OBI1: variants seen among roughly 807,000 people sequenced by gnomAD.
The protein encoded by OBI1 is ring finger protein 219.
Under a neutral mutation model 62.4 loss-of-function variants are expected in OBI1, and 59 were observed. The ratio of observed to expected loss-of-function variants is 0.95; its 90% CI spans 0.77 to 1.17. OBI1 has a LOEUF of 1.17. OBI1 is among the 50% of genes most tolerant of loss of function. The pLI is 0.00. For synonymous variants in OBI1, 302 were observed against 292.8 expected, an observed-to-expected ratio of 1.03 and a Z score of -0.32; for missense variants, 875 against 830.9, an observed-to-expected ratio of 1.05 and a Z score of -0.65.
chr13:78,635,055 C>T, intron 5 of OBI1, 55 bp downstream of exon 5: 1 of 1,031,038 alleles, frequency 9.7e-7, no homozygotes, highest in Non-Finnish European at 1.5e-6. Flanking sequence ...TCACAGCAGC[C>T]TAGTCTAAAA....
chr13:78,654,410 C>G (rs1876637510), intron 1 of OBI1, among the ~76,000 whole-genome samples: 1 of 151,990 alleles, frequency 6.6e-6, no homozygotes, highest in Admixed American at 6.5e-5. Flanking sequence ...CAATTATGTA[C>G]AAGGCTGGTT....
At chr13:78,617,371 CA>C (rs1875346383) in intron 5 of OBI1, 2 of 351,382 alleles carry the variant, frequency 5.7e-6, no homozygotes, top group Admixed American at 8.5e-5. Context: ...TCTATGGTAG[CA>C]GAGAGGCAGA....
At chr13:78,652,400 A>AC (rs36039002) in intron 1 of OBI1, among the ~76,000 whole-genome samples, 1 of 80,584 alleles carries the variant, frequency 1.2e-5, no homozygotes, top group Non-Finnish European at 2.8e-5. Flanking sequence ...TTCCCAAGAC[A>AC]AAAAAAAAAA....
intron 1 of OBI1, among the ~76,000 whole-genome samples, chr13:78,649,071 G>A (rs999733872): frequency 6.6e-6 from 1 of 152,158 alleles, no homozygotes; most frequent in African/African-American, 2.4e-5. Flanking sequence ...TTTCGCACAA[G>A]GTAAAAATCA....
intron 5 of OBI1, chr13:78,620,659 A>C (rs1875480371): frequency 2.2e-6 from 1 of 456,586 alleles, no homozygotes; most frequent in Admixed American, 2.3e-5. Context: ...AATAGCTCTA[A>C]GAGATACAAG....
At chr13:78,631,188 C>A (rs535397367) in intron 5 of OBI1, among the ~76,000 whole-genome samples, 1 of 151,994 alleles carries the variant, frequency 6.6e-6, no homozygotes, top group African/African-American at 2.4e-5. Context: ...TCAATAGATA[C>A]GTAGTAGGAG....
In OBI1 at chr13:78,639,043, A is replaced by G; in HGVS notation, c.329T>C (p.Val110Ala). The G allele has an allele frequency of 6.2e-7, 1 of 1,613,292 alleles. No individual in the cohort carries two copies. Among genetic ancestry groups the G allele is most frequent in the Non-Finnish European group, 8.5e-7 (1 of 1,179,734 alleles). ...EDEIDCLQKEVEELKSKNLSL... is the reference protein window; with the variant it reads ...EDEIDCLQKEAEELKSKNLSL... ...GAGATTTTTACTCTTAAGCTCTTCT[A>G]CTTCTTTCTGTAAACAATCTATTTC... Residue 110 changes from valine to alanine, a missense_variant, in exon 4 of 6, where the codon GTA becomes GCA. Val to Ala is a moderately conservative substitution (Grantham distance 64, BLOSUM62 0). Transcript: ENST00000282003.
Position 78,615,816 on chromosome 13 carries a change from C to T in OBI1, c.1945G>A (p.Glu649Lys). 1 of 1,613,844 alleles carries T rather than the reference C, an allele frequency of 6.2e-7. No individual in the cohort carries two copies. Among genetic ancestry groups the T allele is most frequent in the Non-Finnish European group, 8.5e-7 (1 of 1,179,942 alleles). Residue 649 changes from glutamate (E) to lysine (K), a missense_variant, in exon 6 of 6, where the codon GAG (glutamate) becomes AAG (lysine). Transcript: ENST00000282003. ...CTTAACAAAATGCCCTGGGAAAACT[C>T]TGTCTGAAACAAGCAGCTTGGGGGT... ...IKPPSCLFQT[E>K]FSQGILLSSS... is the part of the protein sequence containing the mutation.
chr13:78,651,647 C>A (rs774309168), intron 1 of OBI1, among the ~76,000 whole-genome samples: 1 of 152,058 alleles, frequency 6.6e-6, no homozygotes, highest in Non-Finnish European at 1.5e-5. Flanking sequence ...TTTTAAGATG[C>A]AAATAAAATG....
At chr13:78,642,034 TTACTC>T in intron 3 of OBI1, 83 bp downstream of exon 3, 2 of 576,380 alleles carry the variant, frequency 3.5e-6, no homozygotes, top group South Asian at 3.1e-5. Flanking sequence ...CATTGGATAT[TTACTC>T]TAAGAAGTCT....
chr13:78,652,399 C>CAAA (rs397694037), intron 1 of OBI1, among the ~76,000 whole-genome samples: 5 of 138,594 alleles, frequency 3.6e-5, no homozygotes, highest in African/African-American at 1.3e-4. Flanking sequence ...CTTCCCAAGA[C>CAAA]AAAAAAAAAA....
In OBI1 at chr13:78,635,189, T is replaced by A. The variant is rs1197749601; in HGVS notation, c.559A>T (p.Lys187Ter). The change falls in exon 5 of 6, where the codon AAA becomes TAA. Residue 187 changes from lysine to a stop codon, truncating the protein, a stop_gained. Transcript: ENST00000282003. LOFTEE classifies it high-confidence loss of function. ...AGACCACCATTTTCCAATTTCAATT[T>A]TTTATTTGCCTAAAATAACAAATTG... ...DVDKLKEANKKLKLENGGLVR... is the reference protein window; with the variant it reads ...DVDKLKEANK 6.3e-7 allele frequency: 1 copy of A among 1,598,558 alleles called. No homozygotes were observed. Among genetic ancestry groups the A allele is most frequent in the Non-Finnish European group, 8.6e-7 (1 of 1,168,932 alleles).
intron 4 of OBI1, 141 bp downstream of exon 4, chr13:78,638,682 T>G (rs1460823386): frequency 1.5e-5 from 11 of 722,756 alleles, no homozygotes; most frequent in Non-Finnish European, 2.4e-5. Context: ...GTCTTCTTAT[T>G]GCATATAAAT....
At chr13:78,640,635 C>T (rs1876184727) in intron 3 of OBI1, among the ~76,000 whole-genome samples, 1 of 151,914 alleles carries the variant, frequency 6.6e-6, no homozygotes, top group African/African-American at 2.4e-5. Context: ...CTCGCCTCTA[C>T]TAAAAATACA....
Position 78,616,933 on chromosome 13 carries a change from A to G in OBI1, c.828T>C (p.Ser276=). 1 of 1,614,174 alleles carries G rather than the reference A, an allele frequency of 6.2e-7. No homozygotes were observed. The highest frequency in any genetic ancestry group is 8.5e-7 in the Non-Finnish European group (1 of 1,180,028). The change falls in exon 6 of 6, where the codon TCT becomes TCC. Residue 276 remains serine (S), a synonymous_variant. Transcript: ENST00000282003. ...TGCCTTTGCTCCCTTTGCCATCTGC[A>G]GAAAGTGCTGTCTGGCAAATGGAAT... ...AMNSICQTAL[S]ADGKGSKGSE...
At chr13:78,643,609 A>G (rs896772673) in intron 2 of OBI1, among the ~76,000 whole-genome samples, 6 of 152,092 alleles carry the variant, frequency 3.9e-5, no homozygotes, top group Admixed American at 1.3e-4. Flanking sequence ...ACCAACATGG[A>G]GAAACCCCGT....
At chr13:78,630,462 C>A (rs1875811894) in intron 5 of OBI1, among the ~76,000 whole-genome samples, 2 of 151,984 alleles carry the variant, frequency 1.3e-5, no homozygotes, top group Admixed American at 1.3e-4. Flanking sequence ...AATATGGTGC[C>A]ATAGACTAAA....
intron 5 of OBI1, among the ~76,000 whole-genome samples, chr13:78,628,587 G>C (rs1875751791): frequency 6.6e-6 from 1 of 152,218 alleles, no homozygotes; most frequent in African/African-American, 2.4e-5. Context: ...TTAAGAATTA[G>C]ACGAAGAAGA....
rs1875225738 is a variant in OBI1 at position 78,615,331 on chromosome 13, A to T, written c.*249T>A. 1 of 339,034 alleles carries T rather than the reference A, an allele frequency of 2.9e-6. No homozygotes were observed. Among genetic ancestry groups the T allele is most frequent in the African/African-American group, 2.1e-5 (1 of 46,994 alleles). The allele number at this position is 339,034 out of a possible 1,614,324, so 21.0% of individuals were successfully genotyped here. A position where few individuals can be genotyped will look rare whatever the true frequency, so the allele number is the denominator to read the frequency against. ...AAACCAACCAACCAACCAACCCCAAAACACAAAAATAACCTCCTCCCTAAC... is the reference window on the plus strand; with the variant it reads ...AAACCAACCAACCAACCAACCCCAATACACAAAAATAACCTCCTCCCTAAC... On this transcript the variant is annotated 3_prime_UTR_variant, in exon 6 of 6. Transcript: ENST00000282003.
Sources: gnomAD v4.1 joint callset for allele counts (sites outside exome capture counted in the v4.1 genomes callset) on GRCh38, gnomAD v4.1.1 for gene constraint, MANE v1.5 for transcripts, NCBI Gene and HGNC (gene_info 2026-07-23, HGNC 2026-07-21) for gene names.